GAS7: variants seen among roughly 807,000 people sequenced by gnomAD.
GAS7 encodes growth arrest specific 7.
In GAS7, 28 loss-of-function variants were observed where a neutral mutation model predicts 71.1. The observed-to-expected ratio is 0.39, with a 90% CI of 0.29 to 0.54. GAS7 has a LOEUF of 0.54. Among genes scored for constraint, GAS7 ranks in the 20% least tolerant of loss-of-function variants. The pLI is 0.62. For synonymous variants in GAS7, 258 were observed against 245.8 expected (o/e 1.05, Z -0.46); for missense variants, 436 against 627.8 (o/e 0.69, Z 3.27).
At chr17:10,181,072 GGGTGGCGGTGGGGGCAC>G (rs1320406131) in intron 1 of GAS7, among the ~76,000 whole-genome samples, 1 of 142,748 alleles carries the variant, frequency 7.0e-6, no homozygotes, top group Admixed American at 7.1e-5. Context: ...GGCAGTGCGG[GGGTGGCGGTGGGGGCAC>G]GGTGGCTCAC....
chr17:10,092,341 T>C (rs1298607687), intron 1 of GAS7, among the ~76,000 whole-genome samples: 1 of 152,220 alleles, frequency 6.6e-6, no homozygotes, highest in Non-Finnish European at 1.5e-5. Flanking sequence ...TATTTTGTTA[T>C]ACAGTTAGTG....
chr17:10,021,358 CT>C (rs2072259651), intron 1 of GAS7, among the ~76,000 whole-genome samples: 1 of 152,094 alleles, frequency 6.6e-6, no homozygotes, highest in South Asian at 2.1e-4. Context: ...TACTCTCACG[CT>C]TTGTGAAGGT....
In GAS7 at chr17:9,985,300, C is replaced by T. The variant is rs113349955; in HGVS notation, c.305-3416G>A. Among the ~76,000 whole-genome samples, 606 of 152,308 alleles carry T rather than the reference C, an allele frequency of 4.0e-3. 3 individuals are homozygous for T. Among genetic ancestry groups the T allele is most frequent in the Admixed American group, 0.01 (158 of 15,302 alleles). ...GCTAGCTCCTTTCCAACATGGCACA[C>T]GGAATCAATTCCGAAGTCCACTGGC... On this transcript the variant is annotated intron_variant, in intron 2 of 13. Transcript: ENST00000432992.
intron 1 of GAS7, among the ~76,000 whole-genome samples, chr17:10,119,949 AGGAGGC>A (rs1238671847): frequency 6.6e-6 from 1 of 152,120 alleles, no homozygotes; most frequent in Non-Finnish European, 1.5e-5. Context: ...CAGGCACACC[AGGAGGC>A]CAAACCTGTT....
At chr17:10,077,417 A>G (rs2073406842) in intron 1 of GAS7, among the ~76,000 whole-genome samples, 1 of 152,266 alleles carries the variant, frequency 6.6e-6, no homozygotes, top group African/African-American at 2.4e-5. Context: ...ATAAATGGCA[A>G]GGACTTAGCA....
intron 1 of GAS7, among the ~76,000 whole-genome samples, chr17:10,046,505 C>T (rs549665658): frequency 4.0e-5 from 6 of 151,776 alleles, no homozygotes; most frequent in East Asian, 1.9e-4. Context: ...CTGCCCGCCT[C>T]GGCGGGCAGA....
Position 10,026,836 on chromosome 17 carries a change from T to C in GAS7, c.184-6939A>G, listed in dbSNP as rs976010406. ...GGTTAAGACACAAATCATGCAACAG[T>C]GACATCACCAGCCCCAGAGTCTGTC... On this transcript the variant is annotated intron_variant, in intron 1 of 13. Coordinates refer to ENST00000432992, the MANE Select transcript of GAS7 (RefSeq NM_201433.2). The surrounding 1 kb of genome is among the most constrained non-coding windows in gnomAD (Gnocchi z 4.5). 1.3e-5 allele frequency among the ~76,000 whole-genome samples: 2 copies of C among 152,170 alleles called. No individual in the cohort carries two copies. Among genetic ancestry groups the C allele is most frequent in the African/African-American group, 4.8e-5 (2 of 41,444 alleles).
At position 9,981,883 on chromosome 17, in the gene GAS7, C is replaced by A; in HGVS notation, c.306G>T (p.Glu102Asp). ...RRYYVNTTTN[E>D]TTWERPSSSP... ...AACTGCTGGGACGTTCCCAGGTGGT[C>A]TCTGGTGAAAGAAGAGCAAAGAAAA... The change falls in exon 3 of 14, where the codon GAG (glutamate) becomes GAT (aspartate). Residue 102 changes from glutamate (E) to aspartate (D), a missense_variant and splice_region_variant. Coordinates refer to ENST00000432992, the MANE Select transcript of GAS7 (RefSeq NM_201433.2). This position sits in a 1 kb window ranked among gnomAD's most constrained non-coding sequence, Gnocchi z 4.4. 4.5e-6 allele frequency: 7 copies of A among 1,571,030 alleles called. No individual in the cohort carries two copies. Among genetic ancestry groups the A allele is most frequent in the Non-Finnish European group, 5.3e-6 (6 of 1,140,844 alleles).
Position 9,969,801 on chromosome 17 carries a change from C to A in GAS7, c.386-39G>T, listed in dbSNP as rs532322154. The stretch of plus-strand genomic sequence containing the variant: ...GACACGGCTCAGATGCTGTGTGGGC[C>A]ACAGATGGGCACCCCCGCCTTTCGT... On this transcript the variant is annotated intron_variant, in intron 3 of 13. Transcript: ENST00000432992. This position sits in a 1 kb window ranked among gnomAD's most constrained non-coding sequence, Gnocchi z 5.5. 1.8e-5 allele frequency: 23 copies of A among 1,286,364 alleles called. No individual in the cohort carries two copies. In the South Asian group the frequency reaches 2.6e-4, roughly 15 times the overall value. 79.7% of individuals were successfully genotyped at this position (1,286,364 alleles called of 1,614,324 possible).
intron 1 of GAS7, among the ~76,000 whole-genome samples, chr17:10,111,858 C>T (rs1159527814): frequency 1.3e-5 from 2 of 152,134 alleles, no homozygotes; most frequent in African/African-American, 2.4e-5. Context: ...TGCCGTGTTT[C>T]GACTTGAGGA....
At chr17:10,068,102 A>C (rs992753970) in intron 1 of GAS7, among the ~76,000 whole-genome samples, 1 of 151,880 alleles carries the variant, frequency 6.6e-6, no homozygotes, top group Admixed American at 6.6e-5. Context: ...ACATAAACAC[A>C]CTCCAATACT....
At chr17:10,038,811 T>C (rs2072808526) in intron 1 of GAS7, among the ~76,000 whole-genome samples, 1 of 151,568 alleles carries the variant, frequency 6.6e-6, no homozygotes, top group Non-Finnish European at 1.5e-5. Context: ...GCGATTCTCC[T>C]GCTTCAGCCT....
At chr17:10,041,107 A>G (rs1459949573) in intron 1 of GAS7, among the ~76,000 whole-genome samples, 6 of 150,496 alleles carry the variant, frequency 4.0e-5, no homozygotes, top group African/African-American at 1.5e-4. Flanking sequence ...GGTTGCAGTG[A>G]GCCAAGATCG....
At position 9,911,187 on chromosome 17, in the gene GAS7, T is replaced by G. The variant is rs1295428048; in HGVS notation, c.*6041A>C. ...AACCCACGACTCCCGAGAGCCCGTC[T>G]GCTGCAGGTGATGCTGGAAGGGAAG... On this transcript the variant is annotated 3_prime_UTR_variant, in exon 14 of 14. Transcript: ENST00000432992. This position sits in a 1 kb window ranked among gnomAD's most constrained non-coding sequence, Gnocchi z 4.0. The G allele has an allele frequency of 2.6e-5, 6 of 233,204 alleles. No individual in the cohort carries two copies. The highest frequency in any genetic ancestry group is 5.1e-5 in the Non-Finnish European group (6 of 118,146). The allele number at this position is 233,204 out of a possible 1,614,324, so 14.4% of individuals were successfully genotyped here. A position where few individuals can be genotyped will look rare whatever the true frequency, so the allele number is the denominator to read the frequency against.
rs1458017926 is a variant in GAS7 at position 9,926,520 on chromosome 17, TC to T, written c.1014+120del. 9.4e-7 allele frequency: 1 copy of T among 1,067,562 alleles called. No individual in the cohort carries two copies. The highest frequency in any genetic ancestry group is 1.4e-6 in the Non-Finnish European group (1 of 720,502). 66.1% of individuals were successfully genotyped at this position (1,067,562 alleles called of 1,614,324 possible). On this transcript the variant is annotated intron_variant, in intron 10 of 13. Transcript: ENST00000432992. The surrounding 1 kb of genome is among the most constrained non-coding windows in gnomAD (Gnocchi z 5.0). Reference sequence around the variant, plus strand: ...GCACGAGGCTTGGACATCCCCCTATTCCCCTACCTGGGGACAAAGACTCAGC... The same window carrying T: ...GCACGAGGCTTGGACATCCCCCTATTCCCTACCTGGGGACAAAGACTCAGC...
At position 10,034,217 on chromosome 17, in the gene GAS7, GA is replaced by G; in HGVS notation, c.184-14321del. 1 of 985,216 alleles carries G rather than the reference GA, an allele frequency of 1.0e-6. No homozygotes were observed. Among genetic ancestry groups the G allele is most frequent in the Non-Finnish European group, 1.2e-6 (1 of 829,750 alleles). The allele number at this position is 985,216 out of a possible 1,614,324, so 61.0% of individuals were successfully genotyped here. Reference sequence around the variant, plus strand: ...GAGCAACCTCTTCCATCTCTGCTGGGAGGCCTCAATTGCTTCATCTCTAAAA... The same window carrying G: ...GAGCAACCTCTTCCATCTCTGCTGGGGGCCTCAATTGCTTCATCTCTAAAA... On this transcript the variant is annotated intron_variant, in intron 1 of 13. Transcript: ENST00000432992. This position sits in a 1 kb window ranked among gnomAD's most constrained non-coding sequence, Gnocchi z 4.4.
At chr17:9,951,774 A>AAAAC (rs2069023807) in intron 5 of GAS7, among the ~76,000 whole-genome samples, 1 of 150,978 alleles carries the variant, frequency 6.6e-6, no homozygotes, top group Non-Finnish European at 1.5e-5. Context: ...AAAAAAAAAA[A>AAAAC]AAAAAAAAAA....
intron 6 of GAS7, among the ~76,000 whole-genome samples, chr17:9,944,216 G>C (rs2068709354): frequency 6.6e-6 from 1 of 152,160 alleles, no homozygotes; most frequent in Non-Finnish European, 1.5e-5. Flanking sequence ...GTGGCTGCTG[G>C]AGCACCAGCT....
chr17:9,997,235 G>A (rs2071082693), intron 2 of GAS7, among the ~76,000 whole-genome samples: 1 of 148,882 alleles, frequency 6.7e-6, no homozygotes, highest in Non-Finnish European at 1.5e-5. Context: ...TATTTTAAAG[G>A]GGCCGGGCGG....
Sources: allele counts gnomAD v4.1 joint callset (sites outside exome capture counted in the v4.1 genomes callset), GRCh38; gene constraint gnomAD v4.1.1; non-coding constraint Gnocchi (gnomAD v3.1); transcripts MANE v1.5; gene names NCBI Gene and HGNC (gene_info 2026-07-23, HGNC 2026-07-21).